UNC79: variants seen among roughly 807,000 people sequenced by gnomAD.
UNC79 encodes the protein protein unc-79 homolog.
A neutral mutation model predicts 283.1 loss-of-function variants in UNC79; 37 were observed. The observed-to-expected ratio is 0.13, with a 90% confidence interval of 0.10 to 0.17. UNC79 has a LOEUF of 0.17. Among genes scored for constraint, UNC79 ranks in the 10% least tolerant of loss-of-function variants. The probability of loss-of-function intolerance (pLI) is 1.00; values close to 1 mark genes in which losing one functional copy is unlikely to be tolerated. For synonymous variants in UNC79, 1,107 were observed against 1,200.2 expected, an observed-to-expected ratio of 0.92 and a Z score of 1.61; for missense variants, 2,272 against 3,211.1, an observed-to-expected ratio of 0.71 and a Z score of 7.07.
chr14:93,569,950 T>C (rs1185822025), intron 14 of UNC79, among the ~76,000 whole-genome samples: 1 of 152,178 alleles, frequency 6.6e-6, no homozygotes, highest in Non-Finnish European at 1.5e-5. Context: ...AAAATATTTA[T>C]TTATTTGTTT....
At chr14:93,483,165 T>C (rs1179018851) in intron 4 of UNC79, among the ~76,000 whole-genome samples, 2 of 152,262 alleles carry the variant, frequency 1.3e-5, no homozygotes, top group African/African-American at 4.8e-5. Flanking sequence ...ATGCCCTTCC[T>C]TACCCTCTGG....
chr14:93,443,093 G>GC (rs1381507846), intron 1 of UNC79, among the ~76,000 whole-genome samples: 2 of 152,022 alleles, frequency 1.3e-5, no homozygotes, highest in Non-Finnish European at 2.9e-5. Flanking sequence ...GCGTGGTAGT[G>GC]CATGCCTGTA....
chr14:93,623,396 A>G (rs1227626165), intron 30 of UNC79, among the ~76,000 whole-genome samples: 1 of 152,222 alleles, frequency 6.6e-6, no homozygotes, highest in Non-Finnish European at 1.5e-5. Context: ...ACCCACGGTC[A>G]TCACTTGGTG....
rs538257020 is a variant in UNC79, at chr14:93,340,365, C to A, written c.-351+6842C>A. 2.1e-4 allele frequency among the ~76,000 whole-genome samples: 31 copies of A among 150,498 alleles called. 1 individual carries two copies. Among genetic ancestry groups the A allele is most frequent in the African/African-American group, 6.4e-4 (26 of 40,730 alleles). On this transcript the variant is annotated intron_variant, in intron 1 of 49. Coordinates refer to the UNC79 transcript ENST00000256339. ...GCTGAGGCAGGAGAATGGCATGAAC[C>A]CAGGAGGCGGAGCTTGCAGTGAGCA...
At chr14:93,336,247 T>C (rs1321182917) in intron 1 of UNC79, among the ~76,000 whole-genome samples, 1 of 152,244 alleles carries the variant, frequency 6.6e-6, no homozygotes, top group East Asian at 1.9e-4. Context: ...CTGAATTTCC[T>C]GAAGTCTAAA....
chr14:93,362,317 G>A (rs1244051199), intron 1 of UNC79, among the ~76,000 whole-genome samples: 1 of 152,062 alleles, frequency 6.6e-6, no homozygotes, highest in Non-Finnish European at 1.5e-5. Context: ...ATCTGGTCCA[G>A]GGATTCTTAT....
intron 35 of UNC79, 61 bp from the exon 39 acceptor site, chr14:93,653,681 T>C (rs1566863092): frequency 8.8e-6 from 13 of 1,472,424 alleles, no homozygotes; most frequent in South Asian, 1.2e-5. Flanking sequence ...TCTAAGTAAA[T>C]ATCTGAACAC....
chr14:93,617,953 A>AG lies in UNC79; in HGVS notation c.4225-238dup, dbSNP rs1233821505. The stretch of plus-strand genomic sequence containing the variant: ...GAGGCTGAGGTGGGAGGATCACCTG[A>AG]GCCCGGTAGGCTGCTATGATCACGC... On this transcript the variant is annotated intron_variant, in intron 28 of 48. Coordinates refer to ENST00000555664, the Ensembl canonical transcript of UNC79. The surrounding 1 kb of genome is among the most constrained non-coding windows in gnomAD (Gnocchi z 4.5). 4.6e-5 allele frequency among the ~76,000 whole-genome samples: 7 copies of AG among 152,140 alleles called. No individual in the cohort carries two copies. The highest frequency in any genetic ancestry group is 1.7e-4 in the African/African-American group (7 of 41,426).
chr14:93,616,453 C>T (rs554085715), intron 27 of UNC79, among the ~76,000 whole-genome samples: 3 of 149,752 alleles, frequency 2.0e-5, no homozygotes, highest in East Asian at 2.0e-4. Flanking sequence ...ACTGCAGCCT[C>T]GACCTCCCAG....
intron 14 of UNC79, among the ~76,000 whole-genome samples, chr14:93,546,007 G>A (rs974876441): frequency 2.6e-5 from 4 of 152,150 alleles, no homozygotes; most frequent in African/African-American, 9.7e-5. Flanking sequence ...TTGATTATGG[G>A]TGCGGACACA....
intron 18 of UNC79, among the ~76,000 whole-genome samples, chr14:93,579,560 A>G (rs907900846): frequency 5.3e-5 from 8 of 152,064 alleles, no homozygotes; most frequent in Non-Finnish European, 1.0e-4. Context: ...GTGGGTTATA[A>G]TCTGTTACTA....
At chr14:93,391,415 G>A (rs995007528) in intron 1 of UNC79, among the ~76,000 whole-genome samples, 1 of 152,148 alleles carries the variant, frequency 6.6e-6, no homozygotes, top group Non-Finnish European at 1.5e-5. Context: ...CTGACTTTGG[G>A]TAGGGAAAGA....
At chr14:93,550,554 T>G (rs1484967021) in intron 14 of UNC79, among the ~76,000 whole-genome samples, 1 of 148,642 alleles carries the variant, frequency 6.7e-6, no homozygotes, top group East Asian at 1.9e-4. Context: ...GGAAGGAGTC[T>G]TCCCTGGCTC....
chr14:93,424,724 G>A (rs2055685734), intron 1 of UNC79, among the ~76,000 whole-genome samples: 1 of 151,858 alleles, frequency 6.6e-6, no homozygotes, highest in Non-Finnish European at 1.5e-5. Flanking sequence ...AGAATAGTGG[G>A]GGTGGAGGGG....
chr14:93,513,493 A>G (rs2059923567), intron 7 of UNC79, among the ~76,000 whole-genome samples: 1 of 152,216 alleles, frequency 6.6e-6, no homozygotes, highest in South Asian at 2.1e-4. Flanking sequence ...TGCTGGGATT[A>G]CAGACATGAG....
intron 28 of UNC79, 40 bp from the exon 30 acceptor site, chr14:93,618,152 A>G (rs781329917): frequency 3.2e-6 from 5 of 1,580,734 alleles, no homozygotes; most frequent in Non-Finnish European, 4.3e-6. Context: ...TACCCTCTAA[A>G]ATAACCATTT....
chr14:93,372,300 C>G (rs1019900676), intron 1 of UNC79, among the ~76,000 whole-genome samples: 1 of 152,030 alleles, frequency 6.6e-6, no homozygotes, highest in Non-Finnish European at 1.5e-5. Flanking sequence ...ATATTACATA[C>G]AGTAACAAAC....
intron 6 of UNC79, 150 bp from the exon 7 acceptor site, chr14:93,497,007 A>C: frequency 1.3e-6 from 1 of 799,860 alleles, no homozygotes; most frequent in South Asian, 2.0e-5. Context: ...GACGTGATCT[A>C]ATCTATGAAA....
At chr14:93,442,322 CAT>C (rs2056329065) in intron 1 of UNC79, among the ~76,000 whole-genome samples, 1 of 152,106 alleles carries the variant, frequency 6.6e-6, no homozygotes, top group Admixed American at 6.5e-5. Context: ...CTATCGTACA[CAT>C]GTTGGGTGTT....
Sources: allele counts gnomAD v4.1 joint callset (sites outside exome capture counted in the v4.1 genomes callset), GRCh38; gene constraint gnomAD v4.1.1; non-coding constraint Gnocchi (gnomAD v3.1); transcripts MANE v1.5; gene names NCBI Gene and HGNC (gene_info 2026-07-23, HGNC 2026-07-21).